The following LIPJ variants were observed in gnomAD, a reference collection of about 807,000 sequenced individuals.
LIPJ encodes lipase member J.
In LIPJ, 33 loss-of-function variants were observed where a neutral mutation model predicts 39.8. That is an observed-to-expected ratio of 0.83 (90% CI 0.63 to 1.11). LIPJ has a LOEUF of 1.11. LIPJ is among the 50% of genes least tolerant of loss of function. The pLI, the probability that LIPJ is intolerant of heterozygous loss-of-function variation, is 0.00. For synonymous variants in LIPJ, 128 were observed against 139.2 expected (o/e 0.92, Z 0.57); for missense variants, 422 against 427.9 (o/e 0.99, Z 0.12).
At position 88,606,859 on chromosome 10, in the gene LIPJ, T is replaced by A. The variant is rs1400721703; in HGVS notation, c.1053T>A (p.Tyr351Ter). The change falls in exon 11 of 11, where the codon TAT becomes TAA. Residue 351 changes from tyrosine (Y) to a stop codon, truncating the protein, a stop_gained. Coordinates refer to ENST00000371939, the Ensembl canonical transcript of LIPJ. LOFTEE classifies it low-confidence loss of function (END_TRUNC). ...ACTCTTTGTTTGGATTAGATGTCTA[T>A]GATCAAGTTTACCATGAAATCATTG... 5.6e-6 allele frequency: 9 copies of A among 1,597,392 alleles called. No homozygotes were observed. Among genetic ancestry groups the A allele is most frequent in the Non-Finnish European group, 7.7e-6 (9 of 1,170,162 alleles).
chr10:88,603,932 T>C (rs919237826), intron 9 of LIPJ, among the ~76,000 whole-genome samples: 1 of 152,228 alleles, frequency 6.6e-6, no homozygotes, highest in Non-Finnish European at 1.5e-5. Flanking sequence ...TATTTAACCA[T>C]TGTAACAATA....
intron 2 of LIPJ, among the ~76,000 whole-genome samples, chr10:88,588,338 A>T (rs995933912): frequency 6.6e-6 from 1 of 151,884 alleles, no homozygotes. Context: ...ATCAAATTCA[A>T]GTTTGAGTTG....
the LIPJ span, chr10:88,618,242 CT>C: frequency 2.0e-5 from 3 of 152,058 alleles, no homozygotes; most frequent in African/African-American, 7.2e-5. Context: ...TCTAATAAGC[CT>C]ATTGATCTAG....
At chr10:88,611,601 C>T (rs1851753316), downstream of LIPJ, among the ~76,000 whole-genome samples, 2 of 152,118 alleles carry the variant, frequency 1.3e-5, no homozygotes, top group South Asian at 4.1e-4. Context: ...CAAGGACACA[C>T]TTAGAGAAAT....
At chr10:88,594,946 A>G (rs969742569) in intron 6 of LIPJ, among the ~76,000 whole-genome samples, 170 bp downstream of exon 6, 2 of 151,834 alleles carry the variant, frequency 1.3e-5, no homozygotes, top group African/African-American at 4.8e-5. Context: ...TTGATCCCCC[A>G]TGGAGTCTTC....
chr10:88,596,903 G>A (rs1264791807), exon 8 of LIPJ: 2 of 1,576,622 alleles, frequency 1.3e-6, no homozygotes, highest in Non-Finnish European at 1.7e-6. Context: ...TCTTGTTTAT[G>A]ATGTTTGGAT....
chr10:88,606,170 A>G (rs1851660228), intron 10 of LIPJ, among the ~76,000 whole-genome samples: 1 of 152,150 alleles, frequency 6.6e-6, no homozygotes. Flanking sequence ...CTAGAACCCA[A>G]GTCTGTCTGA....
intron 6 of LIPJ, 36 bp from the exon 7 acceptor site, chr10:88,596,244 G>C: frequency 8.0e-7 from 1 of 1,250,470 alleles, no homozygotes; most frequent in Non-Finnish European, 1.1e-6. Context: ...AATTGCTTAA[G>C]AATAGCTTAC....
At chr10:88,592,552 A>T (rs566017990) in intron 4 of LIPJ, 10 of 151,936 alleles carry the variant, frequency 6.6e-5, no homozygotes, top group African/African-American at 2.4e-4. Context: ...TAGCTAAAAG[A>T]TGATCTCAGA....
upstream of LIPJ, among the ~76,000 whole-genome samples, chr10:88,585,290 A>G (rs111797300): frequency 0.02 from 3,067 of 152,220 alleles, 79 homozygotes; most frequent in South Asian, 0.085. Context: ...CATCCTTTCC[A>G]GCTTCCTCAT....
intron 3 of LIPJ, among the ~76,000 whole-genome samples, 179 bp from the exon 4 acceptor site, chr10:88,591,199 A>G (rs111801044): frequency 0.02 from 3,060 of 151,958 alleles, 78 homozygotes; most frequent in South Asian, 0.084. Context: ...CTCAGTAGGT[A>G]TTTTACAAAT....
chr10:88,613,198 A>G, the LIPJ span, among the ~76,000 whole-genome samples: 7 of 152,184 alleles, frequency 4.6e-5, no homozygotes, highest in African/African-American at 1.7e-4. Context: ...GCATCATTCC[A>G]CAAAAAAACT....
chr10:88,587,911 G>A (rs17109478), intron 2 of LIPJ, among the ~76,000 whole-genome samples: 4 of 151,892 alleles, frequency 2.6e-5, no homozygotes, highest in African/African-American at 9.7e-5. Flanking sequence ...AATAGCAAAC[G>A]ATTTTATCCA....
At chr10:88,608,840 A>G (rs1851717079), downstream of LIPJ, among the ~76,000 whole-genome samples, 1 of 152,202 alleles carries the variant, frequency 6.6e-6, no homozygotes, top group Non-Finnish European at 1.5e-5. Flanking sequence ...AGAGCAAGAA[A>G]ATAACTTTGT....
the LIPJ span, among the ~76,000 whole-genome samples, chr10:88,621,018 A>C: frequency 5.3e-5 from 8 of 152,266 alleles, no homozygotes; most frequent in South Asian, 1.7e-3. Flanking sequence ...CCATTCCTGA[A>C]GATTCTACTC....
intron 9 of LIPJ, among the ~76,000 whole-genome samples, chr10:88,603,230 T>C (rs1211095768): frequency 6.6e-6 from 1 of 152,218 alleles, no homozygotes; most frequent in Non-Finnish European, 1.5e-5. Flanking sequence ...TTAGGCCATG[T>C]CCCACAGTCG....
intron 9 of LIPJ, among the ~76,000 whole-genome samples, chr10:88,603,329 C>A (rs1389788635): frequency 6.6e-6 from 1 of 152,154 alleles, no homozygotes; most frequent in African/African-American, 2.4e-5. Context: ...AACGCTTTCA[C>A]TAGACTGCAC....
At chr10:88,583,134 C>G (rs778671543), upstream of LIPJ, 10 of 1,614,122 alleles carry the variant, frequency 6.2e-6, no homozygotes, top group South Asian at 1.1e-5. Context: ...GCCTCCTCAG[C>G]AGCGCAGCGC....
At chr10:88,615,417 G>T in the LIPJ span, among the ~76,000 whole-genome samples, 1 of 151,916 alleles carries the variant, frequency 6.6e-6, no homozygotes, top group Non-Finnish European at 1.5e-5. Flanking sequence ...GCCAGACGTG[G>T]TGGCAGGCAC....
Sources: allele counts gnomAD v4.1 joint callset (sites outside exome capture counted in the v4.1 genomes callset), GRCh38; gene constraint gnomAD v4.1.1; transcripts MANE v1.5; gene names NCBI Gene and HGNC (gene_info 2026-07-23, HGNC 2026-07-21).